C10orf143: variants seen among roughly 807,000 people sequenced by gnomAD.
The protein encoded by C10orf143 is chromosome 10 open reading frame 143.
At chr10:130,084,651 TACACACACACAC>T (rs56725445) in intron 1 of C10orf143, among the ~76,000 whole-genome samples, 2 of 150,380 alleles carry the variant, frequency 1.3e-5, no homozygotes, top group Admixed American at 6.6e-5. Flanking sequence ...GTGCAGGTGA[TACACACACACAC>T]ACACACACAC....
chr10:130,060,667 CA>C (rs1250136275), downstream of C10orf143, among the ~76,000 whole-genome samples: 6 of 151,238 alleles, frequency 4.0e-5, no homozygotes, highest in East Asian at 2.0e-4. Context: ...ACTAAAAGTA[CA>C]AAAAAATTAG....
At chr10:130,108,396 T>A in intron 1 of C10orf143, 1 of 980,054 alleles carries the variant, frequency 1.0e-6, no homozygotes, top group Non-Finnish European at 1.7e-6. Context: ...CCTTCAGGGC[T>A]GATTCCGCCT....
intron 3 of C10orf143, among the ~76,000 whole-genome samples, chr10:130,043,222 T>A (rs1403490222): frequency 2.0e-5 from 3 of 152,146 alleles, no homozygotes; most frequent in Non-Finnish European, 4.4e-5. Context: ...ATAACCTAAG[T>A]GTGTTTTCCC....
At position 130,099,774 on chromosome 10, in the gene C10orf143, C is replaced by T. The variant is rs1028916992; in HGVS notation, c.69+10930G>A. ...AACTCCTGACCTCAAGTGATCCGTC[C>T]GCCTCAGCCTCCCGAAGTGCAAGGA... On this transcript the variant is annotated intron_variant, in intron 1 of 3. Transcript: ENST00000637128. Among the ~76,000 whole-genome samples, 4 of 150,936 alleles carry T rather than the reference C, an allele frequency of 2.7e-5. 1 individual carries two copies. Among genetic ancestry groups the T allele is most frequent in the South Asian group, 4.2e-4 (2 of 4,772 alleles).
chr10:130,046,938 C>A (rs549019181), intron 3 of C10orf143, among the ~76,000 whole-genome samples: 43 of 152,330 alleles, frequency 2.8e-4, no homozygotes, highest in Admixed American at 1.8e-3. Context: ...TGTGTGTAAG[C>A]GTGCACACTT....
downstream of C10orf143, among the ~76,000 whole-genome samples, chr10:130,061,220 C>T (rs1177858439): frequency 6.6e-6 from 1 of 152,118 alleles, no homozygotes; most frequent in Non-Finnish European, 1.5e-5. Context: ...GGACGCACAT[C>T]AAAATGTGAA....
At chr10:130,080,188 C>T (rs1861183904) in intron 1 of C10orf143, among the ~76,000 whole-genome samples, 1 of 152,188 alleles carries the variant, frequency 6.6e-6, no homozygotes, top group Admixed American at 6.5e-5. Context: ...ACTATGGTGA[C>T]TGGTTTATTG....
rs552485158 is a variant in C10orf143, at chr10:130,108,139, A to C, written c.69+2565T>G. The C allele has an allele frequency of 9.6e-5, 150 of 1,565,230 alleles. No homozygotes were observed. In the East Asian group the frequency reaches 1.1e-3, roughly 12 times the overall value. The stretch of plus-strand genomic sequence containing the variant: ...TTCCTCCACCTCTTGCCCTAATCAG[A>C]GGTCCACTGTTTCCAGTGGATACAA... On this transcript the variant is annotated intron_variant, in intron 1 of 3. Transcript: ENST00000637128.
intron 1 of C10orf143, among the ~76,000 whole-genome samples, chr10:130,109,477 G>A (rs1861722197): frequency 6.6e-6 from 1 of 152,146 alleles, no homozygotes; most frequent in Non-Finnish European, 1.5e-5. Flanking sequence ...ATGCTGTTCT[G>A]TGCAGGAGAA....
At chr10:130,107,271 A>C in intron 1 of C10orf143, 2 of 1,175,414 alleles carry the variant, frequency 1.7e-6, no homozygotes, top group Non-Finnish European at 2.6e-6. Context: ...TTAGAGAAAG[A>C]AGAGAAACTT....
chr10:130,104,486 T>G (rs1224318334), intron 1 of C10orf143: 1 of 152,146 alleles, frequency 6.6e-6, no homozygotes, highest in Non-Finnish European at 1.5e-5. Context: ...AGTAAGAAAC[T>G]AGTTACCGTT....
intron 1 of C10orf143, among the ~76,000 whole-genome samples, chr10:130,082,220 C>T (rs1213074699): frequency 6.6e-6 from 1 of 151,554 alleles, no homozygotes; most frequent in African/African-American, 2.4e-5. Flanking sequence ...CTATGTTGAC[C>T]AGGCTGGTCT....
intron 1 of C10orf143, among the ~76,000 whole-genome samples, chr10:130,110,496 G>A (rs1861744698): frequency 6.6e-6 from 1 of 152,250 alleles, no homozygotes; most frequent in African/African-American, 2.4e-5. Context: ...GCGCAGGCGC[G>A]AAACCGGGAG....
chr10:130,045,949 C>T (rs1265805240), intron 3 of C10orf143, among the ~76,000 whole-genome samples: 1 of 152,060 alleles, frequency 6.6e-6, no homozygotes, highest in African/African-American at 2.4e-5. Flanking sequence ...ACCTCACCTG[C>T]CGGGCGTGAG....
In C10orf143 at chr10:130,105,907, C is replaced by G. The variant is rs1308851147; in HGVS notation, c.69+4797G>C. On this transcript the variant is annotated intron_variant, in intron 1 of 3. Coordinates refer to ENST00000637128, the MANE Select transcript of C10orf143 (RefSeq NM_001355042.2). ...GCCTGTGAGCGCCCGCATCCCCCAG[C>G]TCCCCCCCGCAGCCGGCTCCACAAT... The G allele has an allele frequency of 1.6e-5, 6 of 367,366 alleles. No homozygotes were observed. The Admixed American group carries it at 2.2e-4, about 14-fold the overall frequency. The allele number at this position is 367,366 out of a possible 1,614,324, so 22.8% of individuals were successfully genotyped here.
chr10:130,080,993 G>A (rs1332545908), intron 1 of C10orf143, among the ~76,000 whole-genome samples: 3 of 151,986 alleles, frequency 2.0e-5, no homozygotes, highest in African/African-American at 4.8e-5. Context: ...AATAAAACAG[G>A]GGACCTAAGG....
chr10:130,092,344 T>A (rs1027036256), intron 1 of C10orf143, among the ~76,000 whole-genome samples: 1 of 152,152 alleles, frequency 6.6e-6, no homozygotes, highest in African/African-American at 2.4e-5. Context: ...ATAAATAAAA[T>A]CCTTTACAGA....
At chr10:130,109,846 T>C (rs2134828609) in intron 1 of C10orf143, among the ~76,000 whole-genome samples, 1 of 151,910 alleles carries the variant, frequency 6.6e-6, no homozygotes, top group Middle Eastern at 3.4e-3. Context: ...TGTGTAGCTC[T>C]AGAAGAAAAA....
chr10:130,037,662 G>C (rs902757461), intron 3 of C10orf143, among the ~76,000 whole-genome samples: 5 of 152,214 alleles, frequency 3.3e-5, no homozygotes, highest in African/African-American at 9.6e-5. Flanking sequence ...TGCACTCACA[G>C]GGACAAAAAT....
Sources: gnomAD v4.1 joint callset for allele counts (sites outside exome capture counted in the v4.1 genomes callset) on GRCh38, gnomAD v4.1.1 for gene constraint, MANE v1.5 for transcripts, NCBI Gene and HGNC (gene_info 2026-07-23, HGNC 2026-07-21) for gene names.